DSG3: variants seen among roughly 807,000 people sequenced by gnomAD.
DSG3 encodes desmoglein-3.
A neutral mutation model predicts 85.9 loss-of-function variants in DSG3; 63 were observed. The observed-to-expected ratio is 0.73, with a 90% confidence interval of 0.60 to 0.90. The LOEUF is 0.90. Ranked by LOEUF, DSG3 falls within the 40% of genes least tolerant of loss-of-function variation. The pLI, the probability that DSG3 is intolerant of heterozygous loss-of-function variation, is 0.00. For synonymous variants in DSG3, 447 were observed against 441.9 expected (o/e 1.01, Z -0.14); for missense variants, 1,220 against 1,219.9 (o/e 1.00, Z 0.00).
intron 1 of DSG3, among the ~76,000 whole-genome samples, chr18:31,452,230 G>C (rs754534037): frequency 1.3e-5 from 2 of 151,990 alleles, no homozygotes; most frequent in Admixed American, 1.3e-4. Flanking sequence ...CATAAAAATG[G>C]CTCTTTTAGG....
intron 1 of DSG3, among the ~76,000 whole-genome samples, chr18:31,454,271 C>G (rs907012727): frequency 1.3e-5 from 2 of 152,204 alleles, no homozygotes; most frequent in African/African-American, 4.8e-5. Context: ...CATCCCTCCT[C>G]TCATGTGTAG....
At position 31,478,281 on chromosome 18, in the gene DSG3, C is replaced by T. The variant is rs2072901479; in HGVS notation, c.*2021C>T. The T allele has an allele frequency of 6.6e-6, 1 of 152,228 alleles. No individual in the cohort carries two copies. The highest frequency in any genetic ancestry group is 2.4e-5 in the African/African-American group (1 of 41,454). The allele number at this position is 152,228 out of a possible 1,614,324, so 9.4% of individuals were successfully genotyped here. A position where few individuals can be genotyped will look rare whatever the true frequency, so the allele number is the denominator to read the frequency against. On this transcript the variant is annotated 3_prime_UTR_variant, in exon 16 of 16. Transcript: ENST00000257189. ...GAGCACATGCAGCTAACTTGTGCCT[C>T]TGCTTATGCATGAGGGTTAAATTAA... is the stretch of plus-strand genomic sequence containing the variant.
chr18:31,465,097 C>T (rs2072809447), intron 9 of DSG3, among the ~76,000 whole-genome samples: 1 of 151,160 alleles, frequency 6.6e-6, no homozygotes, highest in South Asian at 2.1e-4. Context: ...TGCACTCCAG[C>T]CCGGGCAACA....
chr18:31,469,198 G>C lies in DSG3; in HGVS notation c.1746G>C (p.Leu582Phe). The change falls in exon 12 of 16, where the codon TTG becomes TTC. Residue 582 changes from leucine (L) to phenylalanine (F), a missense_variant. By Grantham distance (22) the Leu-to-Phe change is conservative. Coordinates refer to ENST00000257189, the MANE Select transcript of DSG3 (RefSeq NM_001944.3). ...ATCGGTGTGAGATGCCACGCAGCTT[G>C]ACACTGGAAGTCTGTCAGTGTGACA... ...QNNRCEMPRS[L>F]TLEVCQCDNR... is the part of the protein sequence containing the mutation. 1 of 1,614,216 alleles carries C rather than the reference G, an allele frequency of 6.2e-7. No homozygotes were observed.
chr18:31,449,354 C>A (rs1399498750), intron 1 of DSG3, among the ~76,000 whole-genome samples: 1 of 152,138 alleles, frequency 6.6e-6, no homozygotes, highest in Non-Finnish European at 1.5e-5. Context: ...GTCTGATAAC[C>A]CCTATGTCCA....
At chr18:31,465,957 C>G (rs2072815918) in intron 10 of DSG3, among the ~76,000 whole-genome samples, 1 of 151,794 alleles carries the variant, frequency 6.6e-6, no homozygotes, top group South Asian at 2.1e-4. Context: ...TAACACCCCC[C>G]AAAAGAAATA....
chr18:31,463,744 T>C (rs1348215229), intron 8 of DSG3, among the ~76,000 whole-genome samples: 2 of 152,112 alleles, frequency 1.3e-5, no homozygotes, highest in African/African-American at 4.8e-5. Flanking sequence ...AGTGGAGAGT[T>C]GAGGATCAGA....
Position 31,457,009 on chromosome 18 carries a change from A to C in DSG3, c.101A>C (p.Asp34Ala), listed in dbSNP as rs745968485. ...TTACATAAGACTAAAGGTCAATATG[A>C]TGAAGAAGAGATGACTATGCAACAA... is the stretch of plus-strand genomic sequence containing the variant. ...ELRIETKGQY[D>A]EEEMTMQQAK... is the part of the protein sequence containing the mutation. The change falls in exon 3 of 16, where the codon GAT (aspartate) becomes GCT (alanine). Residue 34 changes from aspartate to alanine, a missense_variant. Asp to Ala is a moderately radical substitution (Grantham distance 126, BLOSUM62 -2). Transcript: ENST00000257189. The C allele has an allele frequency of 1.9e-6, 3 of 1,611,054 alleles. No individual in the cohort carries two copies. The highest frequency in any genetic ancestry group is 1.7e-6 in the Non-Finnish European group (2 of 1,178,936).
intron 1 of DSG3, among the ~76,000 whole-genome samples, chr18:31,449,010 C>G (rs1310821701): frequency 6.6e-6 from 1 of 152,146 alleles, no homozygotes; most frequent in Non-Finnish European, 1.5e-5. Flanking sequence ...ATTCTCGTGC[C>G]TCAGCCTCCT....
chr18:31,469,502 G>A (rs911138229), intron 12 of DSG3, among the ~76,000 whole-genome samples, 153 bp downstream of exon 12: 83 of 152,176 alleles, frequency 5.5e-4, no homozygotes, highest in African/African-American at 1.9e-3. Flanking sequence ...GAAAGAATCT[G>A]AAATGTGTAA....
intron 4 of DSG3, 90 bp from the exon 5 acceptor site, chr18:31,458,943 T>C (rs537650067): frequency 2.1e-6 from 3 of 1,445,694 alleles, no homozygotes; most frequent in Non-Finnish European, 2.8e-6. Context: ...AAAAGTGATG[T>C]CCATGCCAAC....
At chr18:31,452,687 T>C (rs1227032054) in intron 1 of DSG3, among the ~76,000 whole-genome samples, 1 of 152,176 alleles carries the variant, frequency 6.6e-6, no homozygotes, top group Non-Finnish European at 1.5e-5. Flanking sequence ...AACAAACCTA[T>C]AAGGTAAGTA....
At chr18:31,465,951 AC>A (rs1003754525) in intron 10 of DSG3, among the ~76,000 whole-genome samples, 2 of 152,046 alleles carry the variant, frequency 1.3e-5, no homozygotes, top group Non-Finnish European at 2.9e-5. Context: ...AAAAGATAAC[AC>A]CCCCCAAAAG....
intron 14 of DSG3, among the ~76,000 whole-genome samples, chr18:31,473,094 G>A (rs967111765): frequency 3.3e-5 from 5 of 152,048 alleles, no homozygotes; most frequent in African/African-American, 1.2e-4. Flanking sequence ...TTTTAATTAG[G>A]AAAGACTTCA....
chr18:31,456,235 G>T (rs888233762), intron 1 of DSG3, among the ~76,000 whole-genome samples: 1 of 152,130 alleles, frequency 6.6e-6, no homozygotes, highest in African/African-American at 2.4e-5. Context: ...TTAAAAAACT[G>T]GTGGAATGTG....
chr18:31,461,385 T>C lies in DSG3; in HGVS notation c.972T>C (p.Thr324=). 6.2e-7 allele frequency: 1 copy of C among 1,613,100 alleles called. No homozygotes were observed. The highest frequency in any genetic ancestry group is 1.1e-5 in the South Asian group (1 of 90,818). Residue 324 remains threonine, a synonymous_variant, in exon 8 of 16, where the codon ACT becomes ACC. Transcript: ENST00000257189. The part of the protein sequence containing the change: ...NWFEIQTDPR[T]NEGILKVVKA... Reference sequence around the variant, plus strand: ...TTGAAATACAAACTGATCCTAGAACTAATGAAGGCATCCTGAAAGTGGTGA... The same window carrying C: ...TTGAAATACAAACTGATCCTAGAACCAATGAAGGCATCCTGAAAGTGGTGA...
chr18:31,462,553 A>G (rs1196835852), intron 8 of DSG3, among the ~76,000 whole-genome samples: 1 of 151,756 alleles, frequency 6.6e-6, no homozygotes, highest in African/African-American at 2.4e-5. Context: ...TTTGTTATAA[A>G]CTCCCACCAA....
intron 5 of DSG3, among the ~76,000 whole-genome samples, chr18:31,459,585 A>T (rs1032652163): frequency 2.6e-5 from 4 of 152,160 alleles, no homozygotes; most frequent in Non-Finnish European, 5.9e-5. Flanking sequence ...CAAGGGAGAA[A>T]ATTGAGATAG....
rs2072801802 is a variant in DSG3 at position 31,464,107 on chromosome 18, C to G, written c.1000-4C>G. Reference sequence around the variant, plus strand: ...ACTGCCTTCTAATTTTATTTTTTCTCCAGGCTCTAGATTATGAACAACTAC... The same window carrying G: ...ACTGCCTTCTAATTTTATTTTTTCTGCAGGCTCTAGATTATGAACAACTAC... On this transcript the variant is annotated splice_region_variant and splice_polypyrimidine_tract_variant and intron_variant, in intron 8 of 15. Transcript: ENST00000257189. The G allele has an allele frequency of 6.2e-7, 1 of 1,601,448 alleles. No individual in the cohort carries two copies. The highest frequency in any genetic ancestry group is 1.7e-5 in the Admixed American group (1 of 58,040).
Sources: allele counts gnomAD v4.1 joint callset (sites outside exome capture counted in the v4.1 genomes callset), GRCh38; gene constraint gnomAD v4.1.1; transcripts MANE v1.5; gene names NCBI Gene and HGNC (gene_info 2026-07-23, HGNC 2026-07-21).